GTF2H5: variants seen among roughly 807,000 people sequenced by gnomAD.
The protein encoded by GTF2H5 is general transcription factor IIH subunit 5.
Under a neutral mutation model 7.1 loss-of-function variants are expected in GTF2H5, and 5 were observed. The observed-to-expected ratio is 0.71, with a 90% CI of 0.37 to 1.49. The LOEUF is 1.49. GTF2H5 is among the 40% of genes most tolerant of loss of function. GTF2H5 has a pLI of 0.03. For synonymous variants in GTF2H5, 30 were observed against 31.7 expected (o/e 0.95, Z 0.18); for missense variants, 80 against 83.0 (o/e 0.96, Z 0.14).
In GTF2H5 at chr6:158,170,355, G is replaced by C. The variant is rs958174844; in HGVS notation, c.-34-115G>C. 4 of 673,004 alleles carry C rather than the reference G, an allele frequency of 5.9e-6. No homozygotes were observed. The Admixed American group carries it at 9.5e-5, about 16-fold the overall frequency. The allele number at this position is 673,004 out of a possible 1,614,324, so 41.7% of individuals were successfully genotyped here. A position where few individuals can be genotyped will look rare whatever the true frequency, so the allele number is the denominator to read the frequency against. On this transcript the variant is annotated intron_variant, in intron 1 of 2. Coordinates refer to ENST00000607778, the MANE Select transcript of GTF2H5 (RefSeq NM_207118.3). ...TTCTTAATGTTAACTGTCTTTCATA[G>C]ACTTAACTGTTAAATATTGACATTT...
Position 158,194,022 on chromosome 6 carries a change from T to A in GTF2H5, c.*1865T>A, listed in dbSNP as rs903104955. 1 of 151,066 alleles carries A rather than the reference T, an allele frequency of 6.6e-6. No homozygotes were observed. Among genetic ancestry groups the A allele is most frequent in the Non-Finnish European group, 1.5e-5 (1 of 67,862 alleles). 9.4% of individuals were successfully genotyped at this position (151,066 alleles called of 1,614,324 possible). A position where few individuals can be genotyped will look rare whatever the true frequency, so the allele number is the denominator to read the frequency against. ...AAAAAAAAAAAAATGAATTTCCAGC[T>A]ATACCAAAATGTTACTAATGTATCT... is the stretch of plus-strand genomic sequence containing the variant. On this transcript the variant is annotated 3_prime_UTR_variant, in exon 3 of 3. Transcript: ENST00000607778.
Position 158,192,470 on chromosome 6 carries a change from C to T in GTF2H5, c.*313C>T, listed in dbSNP as rs950389880. On this transcript the variant is annotated 3_prime_UTR_variant, in exon 3 of 3. Coordinates refer to ENST00000607778, the MANE Select transcript of GTF2H5 (RefSeq NM_207118.3). ...GTGTAACATAGGTATTTATTTTGCT[C>T]ATCCCTGTGATCTGTGCATTTTTGC... The T allele has an allele frequency of 5.9e-6, 2 of 340,098 alleles. No individual in the cohort carries two copies. Among genetic ancestry groups the T allele is most frequent in the Non-Finnish European group, 1.1e-5 (2 of 178,366 alleles). The allele number at this position is 340,098 out of a possible 1,614,324, so 21.1% of individuals were successfully genotyped here. A position where few individuals can be genotyped will look rare whatever the true frequency, so the allele number is the denominator to read the frequency against.
At position 158,182,347 on chromosome 6, in the gene GTF2H5, T is replaced by C. The variant is rs957606658; in HGVS notation, c.36-9630T>C. On this transcript the variant is annotated intron_variant, in intron 2 of 2. Transcript: ENST00000607778. ...TCAACCTTGGTGAATCTGACAATTA[T>C]GTGTCTTGGGGTTGCTCTTCTTGAG... Among the ~76,000 whole-genome samples, 12 of 152,328 alleles carry C rather than the reference T, an allele frequency of 7.9e-5. No homozygotes were observed. The East Asian group carries it at 1.5e-3, about 20-fold the overall frequency.
intron 1 of GTF2H5, among the ~76,000 whole-genome samples, chr6:158,169,700 A>ATATATTGTATATTATATATTATATAG (rs1785794578): frequency 1.2e-5 from 1 of 81,934 alleles, no homozygotes; most frequent in Non-Finnish European, 2.1e-5. Flanking sequence ...ATATTATATA[A>ATATATTGTATATTATATATTATATAG]TATATTGTAT....
At chr6:158,169,854 C>T (rs1785824948) in intron 1 of GTF2H5, among the ~76,000 whole-genome samples, 1 of 135,654 alleles carries the variant, frequency 7.4e-6, no homozygotes, top group African/African-American at 2.8e-5. Flanking sequence ...CACACACACA[C>T]GATACAACAC....
chr6:158,171,257 AGTTAAT>A (rs1488972405), intron 2 of GTF2H5, among the ~76,000 whole-genome samples: 4 of 152,218 alleles, frequency 2.6e-5, no homozygotes, highest in African/African-American at 7.2e-5. Flanking sequence ...AAACAGGTGA[AGTTAAT>A]ATCTTTTGTT....
intron 1 of GTF2H5, 100 bp from the exon 2 acceptor site, chr6:158,170,370 T>A (rs1242168384): frequency 1.4e-6 from 1 of 708,964 alleles, no homozygotes; most frequent in Admixed American, 2.2e-5. Context: ...AACTGTTAAA[T>A]ATTGACATTT....
chr6:158,186,098 C>T (rs1401162031), intron 2 of GTF2H5, among the ~76,000 whole-genome samples: 1 of 152,050 alleles, frequency 6.6e-6, no homozygotes, highest in Admixed American at 6.6e-5. Context: ...CCAGATGAAA[C>T]GTTAGTTGAT....
At chr6:158,176,983 C>T (rs1049938088) in intron 2 of GTF2H5, among the ~76,000 whole-genome samples, 1 of 152,214 alleles carries the variant, frequency 6.6e-6, no homozygotes, top group African/African-American at 2.4e-5. Flanking sequence ...CTGGGTGGGC[C>T]AGGTGTTCCT....
At chr6:158,175,010 A>ATTGTG (rs372393771) in intron 2 of GTF2H5, among the ~76,000 whole-genome samples, 51 of 138,246 alleles carry the variant, frequency 3.7e-4, no homozygotes, top group Non-Finnish European at 5.2e-4. Context: ...TGTGCCTGAG[A>ATTGTG]TGTGTGTGTG....
At chr6:158,177,732 C>T (rs1460801442) in intron 2 of GTF2H5, among the ~76,000 whole-genome samples, 4 of 152,170 alleles carry the variant, frequency 2.6e-5, no homozygotes, top group African/African-American at 9.7e-5. Context: ...GACCCCAACA[C>T]CCCACAGGCC....
At chr6:158,169,808 A>ATATATTGTATATTGTATATTATATATTG (rs1434773739) in intron 1 of GTF2H5, among the ~76,000 whole-genome samples, 2 of 109,152 alleles carry the variant, frequency 1.8e-5, no homozygotes, top group African/African-American at 7.9e-5. Context: ...ATTGTATATT[A>ATATATTGTATATTGTATATTATATATTG]TATATTATAT....
intron 2 of GTF2H5, among the ~76,000 whole-genome samples, chr6:158,183,541 A>G (rs1786036818): frequency 6.6e-6 from 1 of 152,172 alleles, no homozygotes; most frequent in South Asian, 2.1e-4. Flanking sequence ...GACTCTGCCC[A>G]ATTTGAGCTT....
At chr6:158,172,963 G>C (rs549600320) in intron 2 of GTF2H5, among the ~76,000 whole-genome samples, 3 of 152,040 alleles carry the variant, frequency 2.0e-5, no homozygotes, top group Non-Finnish European at 4.4e-5. Flanking sequence ...AATTCTACCT[G>C]GTCTCTCTAA....
chr6:158,198,100 T>C lies in GTF2H5; in HGVS notation c.*5943T>C, dbSNP rs1562479018. On this transcript the variant is annotated 3_prime_UTR_variant, in exon 3 of 3. Coordinates refer to ENST00000607778, the MANE Select transcript of GTF2H5 (RefSeq NM_207118.3). ...CCTTGAATCTAGAAGAGTACAATGA[T>C]AAAGGGGAAGATAGAAACACACACA... The C allele has an allele frequency of 6.6e-6, 1 of 152,220 alleles. No individual in the cohort carries two copies. The highest frequency in any genetic ancestry group is 1.5e-5 in the Non-Finnish European group (1 of 68,040). The allele number at this position is 152,220 out of a possible 1,614,324, so 9.4% of individuals were successfully genotyped here.
At chr6:158,188,649 A>G (rs768422858) in intron 2 of GTF2H5, among the ~76,000 whole-genome samples, 1 of 149,712 alleles carries the variant, frequency 6.7e-6, no homozygotes, top group East Asian at 1.9e-4. Flanking sequence ...CTTATTCTGT[A>G]TAATACTCAA....
intron 2 of GTF2H5, among the ~76,000 whole-genome samples, chr6:158,170,843 T>A (rs1785845598): frequency 6.6e-6 from 1 of 152,212 alleles, no homozygotes. Context: ...GGAACTTGCT[T>A]AAGTCTTTAC....
chr6:158,172,857 GA>G (rs1048942742), intron 2 of GTF2H5, among the ~76,000 whole-genome samples: 2 of 151,606 alleles, frequency 1.3e-5, no homozygotes. Flanking sequence ...GTTTTAATTT[GA>G]AAAAAAAGAT....
Position 158,195,105 on chromosome 6 carries a change from C to A in GTF2H5, c.*2948C>A, listed in dbSNP as rs748720348. 1 of 150,584 alleles carries A rather than the reference C, an allele frequency of 6.6e-6. No individual in the cohort carries two copies. The highest frequency in any genetic ancestry group is 6.6e-5 in the Admixed American group (1 of 15,102). 9.3% of individuals were successfully genotyped at this position (150,584 alleles called of 1,614,324 possible). A position where few individuals can be genotyped will look rare whatever the true frequency, so the allele number is the denominator to read the frequency against. ...TTTGGCATACTTTACATGTCCAGAA[C>A]AAGGCTGTTGGTGCTTGGCACCAAG... On this transcript the variant is annotated 3_prime_UTR_variant, in exon 3 of 3. Transcript: ENST00000607778.
Sources: gnomAD v4.1 joint callset for allele counts (sites outside exome capture counted in the v4.1 genomes callset) on GRCh38, gnomAD v4.1.1 for gene constraint, MANE v1.5 for transcripts, NCBI Gene and HGNC (gene_info 2026-07-23, HGNC 2026-07-21) for gene names.